PLA1A: variants seen among roughly 807,000 people sequenced by gnomAD.
PLA1A encodes phospholipase A1 member A.
PLA1A carries 47 observed loss-of-function variants against 49.4 expected under a neutral mutation model. The observed-to-expected ratio is 0.95, with a 90% CI of 0.75 to 1.21. The LOEUF (loss-of-function observed/expected upper bound fraction) is 1.21. Ranked by LOEUF, PLA1A falls within the 50% of genes most tolerant of loss-of-function variation. The probability of loss-of-function intolerance (pLI) is 0.00; values close to 1 mark genes in which losing one functional copy is unlikely to be tolerated. For synonymous variants in PLA1A, 224 were observed against 207.9 expected, an observed-to-expected ratio of 1.08 and a Z score of -0.67; for missense variants, 561 against 563.9, an observed-to-expected ratio of 0.99 and a Z score of 0.05.
At chr3:119,625,762 A>G (rs1467417622) in intron 9 of PLA1A, among the ~76,000 whole-genome samples, 1 of 152,170 alleles carries the variant, frequency 6.6e-6, no homozygotes, top group African/African-American at 2.4e-5. Context: ...TGATTCCTGA[A>G]ACTGGGGGTA....
chr3:119,619,644 C>T lies in PLA1A; in HGVS notation c.1004C>T (p.Pro335Leu), dbSNP rs377325370. The change falls in exon 8 of 11, where the codon CCG (proline) becomes CTG (leucine). Residue 335 changes from proline (P) to leucine (L), a missense_variant. Coordinates refer to ENST00000273371, the MANE Select transcript of PLA1A (RefSeq NM_015900.4). ...KVYLLTTSSA[P>L]YCMHHSLVEF... ...TACCTCCTGACTACTTCCAGTGCTC[C>T]GTACTGCAGTGAGTAGGGGGAAATG... The T allele has an allele frequency of 1.9e-5, 30 of 1,606,694 alleles. No individual in the cohort carries two copies. The highest frequency in any genetic ancestry group is 1.7e-4 in the African/African-American group (13 of 74,804).
intron 9 of PLA1A, among the ~76,000 whole-genome samples, chr3:119,625,708 C>A (rs77082881): frequency 3.3e-5 from 5 of 152,112 alleles, no homozygotes; most frequent in African/African-American, 9.7e-5. Context: ...CAACGGAGTG[C>A]GAGCTGAGGG....
At chr3:119,606,263 T>A (rs891014771) in intron 1 of PLA1A, among the ~76,000 whole-genome samples, 1 of 152,372 alleles carries the variant, frequency 6.6e-6, no homozygotes, top group Non-Finnish European at 1.5e-5. Flanking sequence ...TCCAGGACAC[T>A]GTCCTTGGCT....
Position 119,608,242 on chromosome 3 carries a change from GAGAAAGAAAGAAAGAA to G in PLA1A, c.276-486_276-471del, listed in dbSNP as rs560277882. 8.1e-3 allele frequency among the ~76,000 whole-genome samples: 998 copies of G among 123,818 alleles called. 5 individuals are homozygous for G. Among genetic ancestry groups the G allele is most frequent in the South Asian group, 0.016 (56 of 3,462 alleles). The allele number at this position is 123,818 out of a possible 152,430, so 81.2% of individuals were successfully genotyped here. ...AGAAAGAAAGAGAGAGAAAGAAAGA[GAGAAAGAAAGAAAGAA>G]AGAAAGAAAGAAAGAAAGAAAGAAA... On this transcript the variant is annotated intron_variant, in intron 2 of 10. Transcript: ENST00000273371.
At chr3:119,599,727 A>T (rs866753215) in intron 1 of PLA1A, among the ~76,000 whole-genome samples, 22 of 152,136 alleles carry the variant, frequency 1.4e-4, no homozygotes, top group African/African-American at 4.3e-4. Context: ...ACATGTTAGC[A>T]GGGCCTGGGT....
chr3:119,617,615 C>T (rs1371090823), intron 6 of PLA1A, among the ~76,000 whole-genome samples: 1 of 151,534 alleles, frequency 6.6e-6, no homozygotes, highest in Non-Finnish European at 1.5e-5. Context: ...TGGTGGTGTG[C>T]GCCTGTAATC....
At chr3:119,617,193 A>C (rs568777961) in intron 6 of PLA1A, among the ~76,000 whole-genome samples, 1 of 152,320 alleles carries the variant, frequency 6.6e-6, no homozygotes, top group Non-Finnish European at 1.5e-5. Context: ...GTAAACTGGG[A>C]TATTTGACAA....
Position 119,608,843 on chromosome 3 carries a change from A to G in PLA1A, c.349A>G (p.Ile117Val). 6.2e-7 allele frequency: 1 copy of G among 1,613,542 alleles called. No homozygotes were observed. Among genetic ancestry groups the G allele is most frequent in the Non-Finnish European group, 8.5e-7 (1 of 1,179,466 alleles). Residue 117 changes from isoleucine to valine, a missense_variant, in exon 3 of 11, where the codon ATT becomes GTT. By Grantham distance (29) the Ile-to-Val change is conservative. Transcript: ENST00000273371. The stretch of plus-strand genomic sequence containing the variant: ...TCTGCGTGCAACGAATGCTAATGTG[A>G]TTGCCGTGGACTGGATTTATGGGTC... ...TLLRATNANV[I>V]AVDWIYGSTG...
Position 119,613,087 on chromosome 3 carries a change from C to A in PLA1A, c.633C>A (p.Leu211=). Residue 211 remains leucine, a synonymous_variant, in exon 5 of 11, where the codon CTC becomes CTA. Transcript: ENST00000273371. ...VEERLDAGDA[L]FVEAIHTDTD... is the part of the protein sequence containing the mutation. ...AGCGCTTGGATGCTGGAGATGCCCT[C>A]TTCGTGGAAGCCATCCACACAGACA... The A allele has an allele frequency of 6.2e-7, 1 of 1,608,888 alleles. No individual in the cohort carries two copies. Among genetic ancestry groups the A allele is most frequent in the East Asian group, 2.2e-5 (1 of 44,756 alleles).
At chr3:119,620,851 A>G (rs2082919380) in intron 8 of PLA1A, among the ~76,000 whole-genome samples, 1 of 152,150 alleles carries the variant, frequency 6.6e-6, no homozygotes, top group African/African-American at 2.4e-5. Flanking sequence ...AGACTTAAGG[A>G]AAGGGAAGCT....
At chr3:119,616,835 G>A (rs1183824142) in intron 6 of PLA1A, among the ~76,000 whole-genome samples, 1 of 152,212 alleles carries the variant, frequency 6.6e-6, no homozygotes, top group Non-Finnish European at 1.5e-5. Context: ...GGATAGTTTG[G>A]TTTCAATGGC....
In PLA1A at chr3:119,629,612, A is replaced by G. The variant is rs1489996991; in HGVS notation, c.*144A>G. The G allele has an allele frequency of 5.0e-6, 3 of 604,614 alleles. No individual in the cohort carries two copies. In the East Asian group the frequency reaches 8.2e-5, roughly 16 times the overall value. 37.5% of individuals were successfully genotyped at this position (604,614 alleles called of 1,614,324 possible). A position where few individuals can be genotyped will look rare whatever the true frequency, so the allele number is the denominator to read the frequency against. ...GCTCTTTCTTATTTTCCTCATAATC[A>G]GCTACCCTGGAGGGGAGGGAGAACT... is the stretch of plus-strand genomic sequence containing the variant. On this transcript the variant is annotated 3_prime_UTR_variant, in exon 11 of 11. Transcript: ENST00000273371.
chr3:119,619,868 C>G (rs114859562), intron 8 of PLA1A, among the ~76,000 whole-genome samples: 9 of 152,194 alleles, frequency 5.9e-5, no homozygotes, highest in Admixed American at 5.9e-4. Flanking sequence ...ATCTACTGAT[C>G]GTATTTCCTC....
At chr3:119,598,117 C>T in intron 1 of PLA1A, 131 bp downstream of exon 1, 3 of 538,562 alleles carry the variant, frequency 5.6e-6, no homozygotes, top group East Asian at 3.2e-5. Flanking sequence ...GAATTTAAAA[C>T]AGTAGGGGAA....
Position 119,598,010 on chromosome 3 carries a change from G to T in PLA1A, c.73+24G>T, listed in dbSNP as rs2082564751. On this transcript the variant is annotated intron_variant, in intron 1 of 10. Coordinates refer to ENST00000273371, the MANE Select transcript of PLA1A (RefSeq NM_015900.4). ...AGGTAAGCCAGGGCTCAGGCCTTGG[G>T]AGGAACTTATTTCAGTCAGTGATCA... The T allele has an allele frequency of 2.0e-6, 3 of 1,475,024 alleles. No homozygotes were observed. The South Asian group carries it at 3.6e-5, about 17-fold the overall frequency. The allele number at this position is 1,475,024 out of a possible 1,614,324, so 91.4% of individuals were successfully genotyped here. A position where few individuals can be genotyped will look rare whatever the true frequency, so the allele number is the denominator to read the frequency against.
intron 1 of PLA1A, among the ~76,000 whole-genome samples, chr3:119,601,110 T>C (rs1409631227): frequency 6.6e-6 from 1 of 152,210 alleles, no homozygotes; most frequent in Non-Finnish European, 1.5e-5. Flanking sequence ...TCTGATGTGG[T>C]TTTGTGCCAA....
chr3:119,600,680 G>A (rs1453811171), intron 1 of PLA1A, among the ~76,000 whole-genome samples: 1 of 152,186 alleles, frequency 6.6e-6, no homozygotes, highest in African/African-American at 2.4e-5. Flanking sequence ...CTGACGTTAG[G>A]CAGATTGATT....
chr3:119,619,972 A>G, intron 8 of PLA1A: 1 of 448,548 alleles, frequency 2.2e-6, no homozygotes, highest in Non-Finnish European at 4.4e-6. Flanking sequence ...CTCATTTCCC[A>G]CTTCTTGGCG....
At chr3:119,622,134 A>AGAG (rs1301974915) in intron 8 of PLA1A, among the ~76,000 whole-genome samples, 47 of 145,556 alleles carry the variant, frequency 3.2e-4, no homozygotes, top group African/African-American at 1.1e-3. Flanking sequence ...AAGAAGAGGA[A>AGAG]GAGGAGGAGG....
Sources: allele counts gnomAD v4.1 joint callset (sites outside exome capture counted in the v4.1 genomes callset), GRCh38; gene constraint gnomAD v4.1.1; transcripts MANE v1.5; gene names NCBI Gene and HGNC (gene_info 2026-07-23, HGNC 2026-07-21).